The following TEC variants were observed in gnomAD, a reference collection of about 807,000 sequenced individuals.
TEC encodes the protein tyrosine-protein kinase Tec.
TEC carries 72 observed loss-of-function variants against 93.0 expected under a neutral mutation model. That is an observed-to-expected ratio of 0.77 (90% CI 0.64 to 0.94). TEC has a LOEUF of 0.94. Among genes scored for constraint, TEC ranks in the 40% least tolerant of loss-of-function variants. The pLI is 0.00. For synonymous variants in TEC, 249 were observed against 247.7 expected (o/e 1.01, Z -0.05); for missense variants, 630 against 757.9 (o/e 0.83, Z 1.98).
rs1271019174 is a variant in TEC, at chr4:48,168,624, T to C, written c.457A>G (p.Ile153Val). The C allele has an allele frequency of 1.9e-6, 3 of 1,600,834 alleles. No homozygotes were observed. The highest frequency in any genetic ancestry group is 2.2e-5 in the East Asian group (1 of 44,802). Residue 153 changes from isoleucine (I) to valine (V), a missense_variant and splice_region_variant, in exon 6 of 18, where the codon ATA (isoleucine) becomes GTA (valine). By Grantham distance (29) the Ile-to-Val change is conservative. This residue lies in a region of TEC where 335 missense variants were observed against 351.5 expected (regional missense o/e 0.95). Transcript: ENST00000381501. ...GGTGCTGGAGGTAGTGCTTTTCTTA[T>C]ACCTGAAAATGCCAACAACAAAAAC... ...CEKYNLFESS[I>V]RKALPPAPET...
intron 1 of TEC, among the ~76,000 whole-genome samples, chr4:48,258,108 AG>A (rs1254123460): frequency 2.0e-5 from 3 of 151,772 alleles, no homozygotes; most frequent in Admixed American, 6.6e-5. Context: ...CTACATGTAC[AG>A]ATCGATTCAT....
chr4:48,181,566 G>C (rs1398268113), intron 2 of TEC, among the ~76,000 whole-genome samples: 1 of 113,356 alleles, frequency 8.8e-6, no homozygotes, highest in African/African-American at 3.3e-5. Context: ...CCAGCTACCT[G>C]GGAGGCTGAG....
At chr4:48,170,507 G>T in intron 4 of TEC, 131 bp from the exon 5 acceptor site, 1 of 592,728 alleles carries the variant, frequency 1.7e-6, no homozygotes. Flanking sequence ...TTAGATCACA[G>T]GACTCAGCAT....
At chr4:48,250,926 C>T (rs768011913) in intron 1 of TEC, among the ~76,000 whole-genome samples, 10 of 152,198 alleles carry the variant, frequency 6.6e-5, no homozygotes, top group Admixed American at 1.3e-4. Flanking sequence ...CTGTTTGTTA[C>T]ACAGGATTAC....
At chr4:48,267,801 T>A (rs1335488686) in intron 1 of TEC, among the ~76,000 whole-genome samples, 1 of 151,774 alleles carries the variant, frequency 6.6e-6, no homozygotes, top group Admixed American at 6.6e-5. Context: ...CTGAACAACA[T>A]GGTGATTTGT....
intron 3 of TEC, among the ~76,000 whole-genome samples, chr4:48,175,068 G>A (rs981058421): frequency 1.3e-5 from 2 of 152,206 alleles, no homozygotes; most frequent in Admixed American, 6.5e-5. Flanking sequence ...AGCACTTACT[G>A]TCCCTGTCCT....
chr4:48,169,291 C>T (rs761357267), intron 5 of TEC, among the ~76,000 whole-genome samples: 3 of 152,054 alleles, frequency 2.0e-5, no homozygotes, highest in African/African-American at 4.8e-5. Context: ...AAATAAATTT[C>T]TCTCTAGTTT....
At chr4:48,137,600 C>A in intron 17 of TEC, 101 bp from the exon 18 acceptor site, 1 of 974,728 alleles carries the variant, frequency 1.0e-6, no homozygotes, top group Non-Finnish European at 1.6e-6. Flanking sequence ...AGAGAGACTT[C>A]ACTGCTTTGG....
intron 1 of TEC, among the ~76,000 whole-genome samples, chr4:48,243,967 T>TAAAAA (rs11386785): frequency 7.5e-6 from 1 of 132,658 alleles, no homozygotes; most frequent in African/African-American, 2.8e-5. Context: ...AAAGTATAAT[T>TAAAAA]AAAAAAAAAA....
intron 1 of TEC, among the ~76,000 whole-genome samples, chr4:48,251,970 A>C (rs1724216841): frequency 6.6e-6 from 1 of 152,194 alleles, no homozygotes. Context: ...GAAGCAAGGC[A>C]AGCTAAAATG....
At chr4:48,240,708 A>G (rs936224236) in intron 1 of TEC, among the ~76,000 whole-genome samples, 2 of 152,102 alleles carry the variant, frequency 1.3e-5, no homozygotes, top group African/African-American at 4.8e-5. Flanking sequence ...CTACAGACCA[A>G]CAAAGTCCCA....
At chr4:48,261,590 T>C (rs890966158) in intron 1 of TEC, among the ~76,000 whole-genome samples, 11 of 152,196 alleles carry the variant, frequency 7.2e-5, no homozygotes, top group Admixed American at 2.6e-4. Context: ...TCATTGGAAT[T>C]CCATGAAGGA....
At chr4:48,218,498 CT>C (rs1723149796) in intron 2 of TEC, among the ~76,000 whole-genome samples, 1 of 152,190 alleles carries the variant, frequency 6.6e-6, no homozygotes, top group Non-Finnish European at 1.5e-5. Flanking sequence ...GATGCAGATA[CT>C]TCCAATTGCC....
chr4:48,140,363 C>A (rs1481270266), intron 15 of TEC, among the ~76,000 whole-genome samples: 4 of 152,198 alleles, frequency 2.6e-5, no homozygotes, highest in Non-Finnish European at 4.4e-5. Flanking sequence ...TTTATTTTCA[C>A]CTACACTGGC....
intron 1 of TEC, among the ~76,000 whole-genome samples, chr4:48,258,090 A>G (rs1375139880): frequency 2.0e-5 from 3 of 151,668 alleles, no homozygotes; most frequent in African/African-American, 7.3e-5. Context: ...AAGCATTGGA[A>G]TGTACATCTA....
At chr4:48,156,080 A>T (rs1720386663) in intron 9 of TEC, among the ~76,000 whole-genome samples, 1 of 152,222 alleles carries the variant, frequency 6.6e-6, no homozygotes, top group Non-Finnish European at 1.5e-5. Flanking sequence ...CTTTTGTAAC[A>T]GGACATACTG....
At chr4:48,253,188 T>G (rs2109670955) in intron 1 of TEC, among the ~76,000 whole-genome samples, 1 of 152,338 alleles carries the variant, frequency 6.6e-6, no homozygotes, top group South Asian at 2.1e-4. Context: ...TTATCTTACT[T>G]TTTATTCATC....
At chr4:48,156,613 A>G in intron 9 of TEC, 67 bp downstream of exon 9, 1 of 1,371,806 alleles carries the variant, frequency 7.3e-7, no homozygotes, top group Non-Finnish European at 1.0e-6. Flanking sequence ...GATATGTGGA[A>G]CTACTTATTA....
intron 1 of TEC, among the ~76,000 whole-genome samples, chr4:48,251,392 C>G (rs1016355620): frequency 2.6e-5 from 4 of 152,090 alleles, no homozygotes; most frequent in African/African-American, 9.7e-5. Flanking sequence ...AAATTCACTT[C>G]CACAAAAAAA....
Sources: gnomAD v4.1 joint callset for allele counts (sites outside exome capture counted in the v4.1 genomes callset) on GRCh38, gnomAD v4.1.1 for gene constraint, gnomAD v4.1.1 regional missense constraint, MANE v1.5 for transcripts, NCBI Gene and HGNC (gene_info 2026-07-23, HGNC 2026-07-21) for gene names.